Variants in DTNBP1 observed in about 807,000 individuals in gnomAD.
DTNBP1 encodes dysbindin.
Under a neutral mutation model 42.8 loss-of-function variants are expected in DTNBP1, and 35 were observed. That is an observed-to-expected ratio of 0.82 (90% CI 0.63 to 1.09). The LOEUF (loss-of-function observed/expected upper bound fraction) is 1.09. Among genes scored for constraint, DTNBP1 ranks in the 50% least tolerant of loss-of-function variants. The pLI is 0.00. For synonymous variants in DTNBP1, 171 were observed against 162.2 expected, an observed-to-expected ratio of 1.05 and a Z score of -0.41; for missense variants, 457 against 424.2, an observed-to-expected ratio of 1.08 and a Z score of -0.68.
At chr6:15,595,917 G>A (rs75058508) in intron 6 of DTNBP1, among the ~76,000 whole-genome samples, 27,419 of 152,172 alleles carry the variant, frequency 0.18, 2,897 homozygotes, top group Non-Finnish European at 0.25. Flanking sequence ...AAAATATTTT[G>A]TTTTATTTTT....
chr6:15,568,193 C>G (rs1775182029), intron 7 of DTNBP1, among the ~76,000 whole-genome samples: 1 of 152,182 alleles, frequency 6.6e-6, no homozygotes, highest in Non-Finnish European at 1.5e-5. Context: ...AAGGAATGTT[C>G]CTATCCCTGA....
intron 7 of DTNBP1, among the ~76,000 whole-genome samples, chr6:15,559,734 G>A (rs1406449622): frequency 6.6e-6 from 1 of 152,094 alleles, no homozygotes; most frequent in East Asian, 1.9e-4. Flanking sequence ...CCATGACAAC[G>A]CCCAACTACA....
At chr6:15,608,898 G>T (rs755016843) in intron 6 of DTNBP1, among the ~76,000 whole-genome samples, 8 of 152,150 alleles carry the variant, frequency 5.3e-5, no homozygotes, top group Non-Finnish European at 8.8e-5. Flanking sequence ...TTTGACAACA[G>T]ATCTTTCTCC....
At chr6:15,615,810 T>TA (rs1758685278) in intron 5 of DTNBP1, among the ~76,000 whole-genome samples, 2 of 152,388 alleles carry the variant, frequency 1.3e-5, no homozygotes, top group South Asian at 4.1e-4. Context: ...TTAACTAACT[T>TA]AATATCTGTG....
chr6:15,641,813 T>C (rs754168806), intron 3 of DTNBP1, among the ~76,000 whole-genome samples: 1 of 152,090 alleles, frequency 6.6e-6, no homozygotes, highest in Non-Finnish European at 1.5e-5. Context: ...TCTCTGGAGA[T>C]CTAACCCCCT....
At chr6:15,537,359 G>A (rs558469853) in intron 7 of DTNBP1, among the ~76,000 whole-genome samples, 1 of 152,072 alleles carries the variant, frequency 6.6e-6, no homozygotes, top group East Asian at 1.9e-4. Flanking sequence ...GACCCAGGAG[G>A]CAGAGGTTGC....
At chr6:15,569,597 T>A (rs1251574058) in intron 7 of DTNBP1, among the ~76,000 whole-genome samples, 1 of 152,158 alleles carries the variant, frequency 6.6e-6, no homozygotes, top group Non-Finnish European at 1.5e-5. Context: ...TTGGTGTCAG[T>A]GTAGTGACAT....
At chr6:15,567,331 T>TA (rs1048212796) in intron 7 of DTNBP1, among the ~76,000 whole-genome samples, 7 of 151,946 alleles carry the variant, frequency 4.6e-5, no homozygotes, top group Admixed American at 3.9e-4. Flanking sequence ...CAAATACCTA[T>TA]AGCCCCAGCT....
chr6:15,596,530 A>ACT (rs1439503907), intron 6 of DTNBP1, among the ~76,000 whole-genome samples: 1 of 152,122 alleles, frequency 6.6e-6, no homozygotes, highest in Non-Finnish European at 1.5e-5. Flanking sequence ...GGTTTCTTGA[A>ACT]ACAGTTCCCT....
chr6:15,621,477 C>T (rs1430669256), intron 5 of DTNBP1, among the ~76,000 whole-genome samples: 1 of 152,124 alleles, frequency 6.6e-6, no homozygotes, highest in African/African-American at 2.4e-5. Context: ...ACGTGGGGAC[C>T]AGATGAAAAC....
chr6:15,619,158 A>G (rs1220838450), intron 5 of DTNBP1, among the ~76,000 whole-genome samples: 1 of 152,200 alleles, frequency 6.6e-6, no homozygotes, highest in Non-Finnish European at 1.5e-5. Context: ...ATTCTATAGC[A>G]CTGTAGGGAG....
chr6:15,613,653 A>G (rs1758559017), intron 6 of DTNBP1, among the ~76,000 whole-genome samples: 1 of 152,094 alleles, frequency 6.6e-6, no homozygotes, highest in African/African-American at 2.4e-5. Context: ...GGCGTGAGCC[A>G]CTGCACCTGG....
rs1776048768 is a variant in DTNBP1 at position 15,585,640 on chromosome 6, C to T, written c.511+7419G>A. On this transcript the variant is annotated intron_variant, in intron 7 of 9. Transcript: ENST00000344537. The stretch of plus-strand genomic sequence containing the variant: ...ATATCATCTGCATACCATGCAAATA[C>T]AGCAATGTATCCAGGCATGGAAATA... The T allele has an allele frequency of 2.7e-6, 4 of 1,470,788 alleles. No individual in the cohort carries two copies. The Admixed American group carries it at 6.1e-5, about 22-fold the overall frequency. 91.1% of individuals were successfully genotyped at this position (1,470,788 alleles called of 1,614,324 possible). A position where few individuals can be genotyped will look rare whatever the true frequency, so the allele number is the denominator to read the frequency against.
chr6:15,530,755 G>A (rs187502908), intron 8 of DTNBP1, among the ~76,000 whole-genome samples: 1 of 152,176 alleles, frequency 6.6e-6, no homozygotes, highest in Non-Finnish European at 1.5e-5. Flanking sequence ...TCACCAGCAA[G>A]TGCTAAACTG....
intron 9 of DTNBP1, 128 bp downstream of exon 9, chr6:15,524,398 C>T: frequency 1.2e-6 from 2 of 1,614,092 alleles, no homozygotes; most frequent in South Asian, 1.1e-5. Flanking sequence ...GGTTAGGGAG[C>T]CAGGAGCTGG....
intron 7 of DTNBP1, among the ~76,000 whole-genome samples, chr6:15,538,190 G>A (rs1338407420): frequency 6.6e-6 from 1 of 152,184 alleles, no homozygotes; most frequent in Non-Finnish European, 1.5e-5. Context: ...GGCCTAGCTA[G>A]GCTTGTGAAG....
chr6:15,532,638 CTTTTTTTCCATTTTGGTAATTT>C (rs1772929920), intron 8 of DTNBP1, among the ~76,000 whole-genome samples: 1 of 139,484 alleles, frequency 7.2e-6, no homozygotes, highest in African/African-American at 2.7e-5. Flanking sequence ...GGCTATTTTT[CTTTTTTTCCATTTTGGTAATTT>C]TGCAGGTTCT....
intron 7 of DTNBP1, 142 bp downstream of exon 7, chr6:15,592,917 A>T: frequency 1.1e-6 from 1 of 878,306 alleles, no homozygotes; most frequent in Non-Finnish European, 1.7e-6. Context: ...GTGATTAAGC[A>T]AAACCTACAA....
intron 7 of DTNBP1, among the ~76,000 whole-genome samples, chr6:15,562,419 T>C (rs1009399874): frequency 6.6e-6 from 1 of 152,186 alleles, no homozygotes; most frequent in African/African-American, 2.4e-5. Flanking sequence ...TGTTCATAGG[T>C]ATCACATGCA....
Sources: gnomAD v4.1 joint callset for allele counts (sites outside exome capture counted in the v4.1 genomes callset) on GRCh38, gnomAD v4.1.1 for gene constraint, MANE v1.5 for transcripts, NCBI Gene and HGNC (gene_info 2026-07-23, HGNC 2026-07-21) for gene names.